The following JAKMIP1 variants were observed in gnomAD, a reference collection of about 807,000 sequenced individuals.
The protein encoded by JAKMIP1 is janus kinase and microtubule interacting protein 1.
Under a neutral mutation model 113.0 loss-of-function variants are expected in JAKMIP1, and 33 were observed. That is an observed-to-expected ratio of 0.29 (90% CI 0.22 to 0.39). The LOEUF is 0.39. Among genes scored for constraint, JAKMIP1 ranks in the 10% least tolerant of loss-of-function variants. The probability of loss-of-function intolerance (pLI) is 1.00; values close to 1 mark genes in which losing one functional copy is unlikely to be tolerated. For synonymous variants in JAKMIP1, 480 were observed against 459.9 expected (o/e 1.04, Z -0.56); for missense variants, 813 against 1,080.5 (o/e 0.75, Z 3.47).
intron 11 of JAKMIP1, among the ~76,000 whole-genome samples, chr4:6,057,613 T>A (rs1297882021): frequency 6.6e-6 from 1 of 152,078 alleles, no homozygotes; most frequent in Non-Finnish European, 1.5e-5. Flanking sequence ...CTGTGAGGAG[T>A]GGCTGTGCTC....
chr4:6,032,616 G>A (rs551225535), intron 19 of JAKMIP1, among the ~76,000 whole-genome samples: 1 of 152,280 alleles, frequency 6.6e-6, no homozygotes, highest in South Asian at 2.1e-4. Flanking sequence ...TATTGCCACA[G>A]CACCTAGAAC....
chr4:6,098,933 GC>G (rs1712544319), intron 3 of JAKMIP1, among the ~76,000 whole-genome samples: 1 of 152,150 alleles, frequency 6.6e-6, no homozygotes, highest in Admixed American at 6.5e-5. Flanking sequence ...ATAGTATGTA[GC>G]TTTTGTGCTC....
chr4:6,121,156 C>T (rs947710610), intron 1 of JAKMIP1, among the ~76,000 whole-genome samples: 46 of 149,518 alleles, frequency 3.1e-4, no homozygotes, highest in Non-Finnish European at 5.0e-4. Flanking sequence ...GCCAAGATTG[C>T]ACCACTGAAC....
rs1244940539 is a variant in JAKMIP1, at chr4:6,105,710, C to T, written c.387G>A (p.Lys129=). 1.9e-6 allele frequency: 3 copies of T among 1,602,580 alleles called. No individual in the cohort carries two copies. The highest frequency in any genetic ancestry group is 2.5e-6 in the Non-Finnish European group (3 of 1,177,556). The change falls in exon 3 of 21, where the codon AAG becomes AAA. Residue 129 remains lysine (K), a synonymous_variant. Coordinates refer to ENST00000409021, the MANE Select transcript of JAKMIP1 (RefSeq NM_001099433.2). ...CGCGCGCCTCGGTCAGCAGCGCCGT[C>T]TTGACCTTGTCGGCCGCGCCGTCGC... ...VLRDGAADKV[K]TALLTEAREE...
Position 6,035,978 on chromosome 4 carries a change from T to A in JAKMIP1, c.2305A>T (p.Ile769Phe). The A allele has an allele frequency of 1.3e-6, 2 of 1,551,574 alleles. No individual in the cohort carries two copies. Among genetic ancestry groups the A allele is most frequent in the Non-Finnish European group, 1.7e-6 (2 of 1,147,010 alleles). ...TCGAACTCGCGGCTCTGCCTGAGGATCTGCCTGCGCACCTTTTCCACAGCA... is the reference window on the plus strand; with the variant it reads ...TCGAACTCGCGGCTCTGCCTGAGGAACTGCCTGCGCACCTTTTCCACAGCA... ...QAAVEKVRRQ[I>F]LRQSREFDSQ... Residue 769 changes from isoleucine to phenylalanine, a missense_variant, in exon 19 of 21, where the codon ATC (isoleucine) becomes TTC (phenylalanine). By Grantham distance (21) the Ile-to-Phe change is conservative (BLOSUM62 0). Around this residue, in one of 2 missense-constraint regions of JAKMIP1, gnomAD observed 273 missense variants for 426.6 expected, o/e 0.64. Transcript: ENST00000409021.
chr4:6,042,709 T>C lies in JAKMIP1; in HGVS notation c.2029-482A>G, dbSNP rs147388319. Among the ~76,000 whole-genome samples, 661 of 151,974 alleles carry C rather than the reference T, an allele frequency of 4.3e-3. 3 individuals are homozygous for C. Among genetic ancestry groups the C allele is most frequent in the African/African-American group, 0.015 (625 of 41,440 alleles). On this transcript the variant is annotated intron_variant, in intron 16 of 20. Coordinates refer to ENST00000409021, the MANE Select transcript of JAKMIP1 (RefSeq NM_001099433.2). This position sits in a 1 kb window ranked among gnomAD's most constrained non-coding sequence, Gnocchi z 5.2. ...GGTCACACGGGTGCAGAATGGAGAT[T>C]TGGAACCCAGCCTGCAGGATGCCAA...
At chr4:6,048,764 TC>T in intron 16 of JAKMIP1, 92 bp downstream of exon 16, 1 of 1,049,598 alleles carries the variant, frequency 9.5e-7, no homozygotes. Flanking sequence ...GAACGCATGC[TC>T]CCACGCAAAG....
chr4:6,040,569 C>A lies in JAKMIP1; in HGVS notation c.2175+70G>T, dbSNP rs1714178159. 1.8e-6 allele frequency: 2 copies of A among 1,133,024 alleles called. No individual in the cohort carries two copies. The highest frequency in any genetic ancestry group is 2.7e-6 in the Non-Finnish European group (2 of 753,612). The allele number at this position is 1,133,024 out of a possible 1,614,324, so 70.2% of individuals were successfully genotyped here. On this transcript the variant is annotated intron_variant, in intron 18 of 20. Transcript: ENST00000409021. The surrounding 1 kb of genome is among the most constrained non-coding windows in gnomAD (Gnocchi z 5.8). Reference sequence around the variant, plus strand: ...GGAGCGCCCTAAATGCAGTTTCAGCCCCAGAGGAAAAAGCAGCCTCTAATG... The same window carrying A: ...GGAGCGCCCTAAATGCAGTTTCAGCACCAGAGGAAAAAGCAGCCTCTAATG...
At chr4:6,033,451 T>G (rs1713005614) in intron 19 of JAKMIP1, among the ~76,000 whole-genome samples, 1 of 152,196 alleles carries the variant, frequency 6.6e-6, no homozygotes, top group Non-Finnish European at 1.5e-5. Flanking sequence ...TTAGGTTGGG[T>G]TAGAAAAGCC....
chr4:6,028,962 C>T (rs73196068), intron 20 of JAKMIP1, among the ~76,000 whole-genome samples: 6,654 of 152,344 alleles, frequency 0.044, 184 homozygotes, highest in Non-Finnish European at 0.066. Context: ...ATGCACACCA[C>T]GTGGTCCCTG....
intron 3 of JAKMIP1, among the ~76,000 whole-genome samples, chr4:6,098,022 C>T (rs895956726): frequency 5.3e-5 from 8 of 152,152 alleles, no homozygotes; most frequent in African/African-American, 1.7e-4. Flanking sequence ...AGTGTAGTGT[C>T]GAGTTTGGAG....
Position 6,045,881 on chromosome 4 carries a change from T to G in JAKMIP1, c.2028+2976A>C, listed in dbSNP as rs551833911. On this transcript the variant is annotated intron_variant, in intron 16 of 20. Coordinates refer to ENST00000409021, the MANE Select transcript of JAKMIP1 (RefSeq NM_001099433.2). Reference sequence around the variant, plus strand: ...TGAGACTCTGTCTCAAAAAAAAAAATTAATGCCTCTAAGGGAACATTGACA... The same window carrying G: ...TGAGACTCTGTCTCAAAAAAAAAAAGTAATGCCTCTAAGGGAACATTGACA... Among the ~76,000 whole-genome samples, 6 of 152,038 alleles carry G rather than the reference T, an allele frequency of 3.9e-5. No individual in the cohort carries two copies. The South Asian group carries it at 1.0e-3, about 26-fold the overall frequency.
intron 13 of JAKMIP1, among the ~76,000 whole-genome samples, chr4:6,052,215 TA>T (rs999367165): frequency 7.9e-6 from 1 of 125,860 alleles, no homozygotes; most frequent in African/African-American, 5.1e-5. Context: ...TTTAAAAAAA[TA>T]AAATAAAAAA....
intron 10 of JAKMIP1, 105 bp from the exon 11 acceptor site, chr4:6,060,612 C>A (rs1450574453): frequency 1.8e-5 from 15 of 824,986 alleles, no homozygotes; most frequent in Admixed American, 7.0e-5. Context: ...TCCTTATAGG[C>A]AAACCTTAGG....
In JAKMIP1 at chr4:6,110,313, G is replaced by A. The variant is rs575563627; in HGVS notation, c.129+2409C>T. On this transcript the variant is annotated intron_variant, in intron 2 of 20. Transcript: ENST00000409021. ...GTGAAGACACAGGGAGAAGGCGGCC[G>A]TCTGCAAGCCAAGGAGAGAGGCTTC... Among the ~76,000 whole-genome samples, 37 of 152,178 alleles carry A rather than the reference G, an allele frequency of 2.4e-4. No homozygotes were observed. In the East Asian group the frequency reaches 3.9e-3, roughly 16 times the overall value.
rs1321032970 is a variant in JAKMIP1, at chr4:6,064,433, T to C, written c.1431+447A>G. ...AGGGCTCTTCACCTTCTTCTTTATATATTTTTGGATTACATGCTTTATCTT... is the reference window on the plus strand; with the variant it reads ...AGGGCTCTTCACCTTCTTCTTTATACATTTTTGGATTACATGCTTTATCTT... On this transcript the variant is annotated intron_variant, in intron 9 of 20. Coordinates refer to ENST00000409021, the MANE Select transcript of JAKMIP1 (RefSeq NM_001099433.2). The surrounding 1 kb of genome is among the most constrained non-coding windows in gnomAD (Gnocchi z 4.3). Among the ~76,000 whole-genome samples, 1 of 152,202 alleles carries C rather than the reference T, an allele frequency of 6.6e-6. No homozygotes were observed. Among genetic ancestry groups the C allele is most frequent in the African/African-American group, 2.4e-5 (1 of 41,454 alleles).
At chr4:6,071,418 A>G (rs1316786860) in intron 8 of JAKMIP1, among the ~76,000 whole-genome samples, 1 of 152,168 alleles carries the variant, frequency 6.6e-6, no homozygotes, top group Non-Finnish European at 1.5e-5. Context: ...ACGGGGCCTG[A>G]AGTCACCTCC....
rs1040590367 is a variant in JAKMIP1, at chr4:6,106,486, C to T, written c.130-519G>A. 1.3e-5 allele frequency among the ~76,000 whole-genome samples: 2 copies of T among 152,060 alleles called. No individual in the cohort carries two copies. Among genetic ancestry groups the T allele is most frequent in the Non-Finnish European group, 2.9e-5 (2 of 68,032 alleles). On this transcript the variant is annotated intron_variant, in intron 2 of 20. Coordinates refer to ENST00000409021, the MANE Select transcript of JAKMIP1 (RefSeq NM_001099433.2). This position sits in a 1 kb window ranked among gnomAD's most constrained non-coding sequence, Gnocchi z 5.9. ...TGCATCACCCACATTGCCACATGAA[C>T]CCCTCACGGTCTTGGGAAGGAAGTA...
At position 6,140,150 on chromosome 4, in the gene JAKMIP1, A is replaced by G. The variant is rs920368185; in HGVS notation, c.-147-27153T>C. 6.6e-6 allele frequency among the ~76,000 whole-genome samples: 1 copy of G among 152,160 alleles called. No homozygotes were observed. The highest frequency in any genetic ancestry group is 1.5e-5 in the Non-Finnish European group (1 of 68,038). On this transcript the variant is annotated intron_variant, in intron 1 of 20. Transcript: ENST00000409021. The surrounding 1 kb of genome is among the most constrained non-coding windows in gnomAD (Gnocchi z 9.4). ...TCCCAGTTTTTTGGAGACCAATTTCATACACACAGGGGAGAAAGGCTGACA... is the reference window on the plus strand; with the variant it reads ...TCCCAGTTTTTTGGAGACCAATTTCGTACACACAGGGGAGAAAGGCTGACA...
Sources: gnomAD v4.1 joint callset for allele counts (sites outside exome capture counted in the v4.1 genomes callset) on GRCh38, gnomAD v4.1.1 for gene constraint, gnomAD v4.1.1 regional missense constraint, Gnocchi (gnomAD v3.1) non-coding constraint, MANE v1.5 for transcripts, NCBI Gene and HGNC (gene_info 2026-07-23, HGNC 2026-07-21) for gene names.